Variants in SPAG16 observed in about 807,000 individuals in gnomAD.
SPAG16 encodes the protein sperm associated antigen 16.
A neutral mutation model predicts 80.4 loss-of-function variants in SPAG16; 86 were observed. That is an observed-to-expected ratio of 1.07 (90% CI 0.90 to 1.28). The LOEUF (loss-of-function observed/expected upper bound fraction) is 1.28, where lower values mean the gene tolerates loss of function less well. Among genes scored for constraint, SPAG16 ranks in the 50% most tolerant of loss-of-function variants. The pLI is 0.00. For missense variants in SPAG16, 870 were observed against 765.3 expected (o/e 1.14, Z -1.61); for synonymous variants, 294 against 265.9 (o/e 1.11, Z -1.03).
intron 13 of SPAG16, among the ~76,000 whole-genome samples, chr2:214,060,785 A>G (rs2050221670): frequency 6.6e-6 from 1 of 152,198 alleles, no homozygotes; most frequent in African/African-American, 2.4e-5. Context: ...TACAACACAA[A>G]TAAATCTCAA....
intron 10 of SPAG16, among the ~76,000 whole-genome samples, chr2:213,805,051 T>G (rs1240779869): frequency 1.3e-5 from 2 of 152,200 alleles, no homozygotes; most frequent in Non-Finnish European, 2.9e-5. Flanking sequence ...AATACCAATG[T>G]TACTGTTGAG....
intron 10 of SPAG16, among the ~76,000 whole-genome samples, chr2:213,737,822 T>C (rs1208942443): frequency 9.9e-5 from 15 of 152,162 alleles, no homozygotes; most frequent in Admixed American, 9.8e-4. Context: ...TACTTTCTTC[T>C]TAACATTAGT....
chr2:213,703,224 A>G (rs1038682292), intron 10 of SPAG16, among the ~76,000 whole-genome samples: 9 of 152,152 alleles, frequency 5.9e-5, no homozygotes, highest in African/African-American at 1.9e-4. Context: ...GGTCTCTGAT[A>G]TTTGGGAATC....
intron 10 of SPAG16, among the ~76,000 whole-genome samples, chr2:213,642,820 C>CAAAAAAAAAAA (rs766759239): frequency 3.5e-3 from 4 of 1,136 alleles, no homozygotes; most frequent in South Asian, 0.028. Flanking sequence ...GACTCTGTCT[C>CAAAAAAAAAAA]AAAAAAAAAA....
At chr2:213,394,650 A>T (rs921233998) in intron 9 of SPAG16, among the ~76,000 whole-genome samples, 6 of 151,996 alleles carry the variant, frequency 3.9e-5, no homozygotes, top group Admixed American at 3.3e-4. Flanking sequence ...CATTTCTGTA[A>T]TTTTTTTAAT....
intron 15 of SPAG16, among the ~76,000 whole-genome samples, chr2:214,392,892 G>A (rs1232943423): frequency 6.6e-6 from 1 of 152,090 alleles, no homozygotes; most frequent in Non-Finnish European, 1.5e-5. Flanking sequence ...TAACTGGGTA[G>A]AATTACATAA....
At chr2:213,387,267 T>A (rs537246346) in intron 9 of SPAG16, among the ~76,000 whole-genome samples, 1 of 151,564 alleles carries the variant, frequency 6.6e-6, no homozygotes, top group East Asian at 1.9e-4. Flanking sequence ...TTTTGACCTA[T>A]ATATTCAATG....
intron 15 of SPAG16, among the ~76,000 whole-genome samples, chr2:214,391,403 A>G (rs975220531): frequency 5.3e-5 from 8 of 152,236 alleles, no homozygotes; most frequent in African/African-American, 1.9e-4. Context: ...ATTTTAAACT[A>G]TATTCCTAAA....
intron 15 of SPAG16, among the ~76,000 whole-genome samples, chr2:214,316,109 G>A (rs1695675452): frequency 6.7e-6 from 1 of 149,680 alleles, no homozygotes; most frequent in Non-Finnish European, 1.5e-5. Context: ...GGGTCACTGT[G>A]GTGACCATGT....
At chr2:214,043,047 T>A (rs1436217986) in intron 13 of SPAG16, among the ~76,000 whole-genome samples, 2 of 151,962 alleles carry the variant, frequency 1.3e-5, no homozygotes, top group African/African-American at 4.8e-5. Flanking sequence ...TCAAAAAAAC[T>A]CATGCAAAGT....
chr2:213,591,278 A>G lies in SPAG16; in HGVS notation c.1070+101188A>G, dbSNP rs567302335. 9.8e-5 allele frequency among the ~76,000 whole-genome samples: 15 copies of G among 152,290 alleles called. No homozygotes were observed. The South Asian group carries it at 2.9e-3, about 29-fold the overall frequency. ...AAGATCACCTAATTCTGACCCTTAA[A>G]AAGCCCTGTTTTGAAAAATTTTAAT... On this transcript the variant is annotated intron_variant, in intron 10 of 15. Coordinates refer to ENST00000331683, the MANE Select transcript of SPAG16 (RefSeq NM_024532.5).
At chr2:213,680,407 C>T (rs1037549935) in intron 10 of SPAG16, among the ~76,000 whole-genome samples, 7 of 147,838 alleles carry the variant, frequency 4.7e-5, no homozygotes, top group African/African-American at 1.0e-4. Context: ...TCTTTACTTA[C>T]GAGGAACAAA....
chr2:213,711,821 G>C (rs59050563), intron 10 of SPAG16, among the ~76,000 whole-genome samples: 1 of 151,740 alleles, frequency 6.6e-6, no homozygotes. Flanking sequence ...CGCCCGACCC[G>C]TTCTTACAAT....
intron 10 of SPAG16, among the ~76,000 whole-genome samples, chr2:213,710,597 C>T (rs907265777): frequency 6.6e-6 from 1 of 152,114 alleles, no homozygotes; most frequent in Non-Finnish European, 1.5e-5. Context: ...TACAATTAGG[C>T]GTACATAAAT....
intron 9 of SPAG16, among the ~76,000 whole-genome samples, chr2:213,454,602 C>T (rs2071887906): frequency 6.6e-6 from 1 of 152,094 alleles, no homozygotes; most frequent in African/African-American, 2.4e-5. Flanking sequence ...TCAAAATTTT[C>T]CAAGAAGTAA....
chr2:213,439,211 T>C (rs2070801400), intron 9 of SPAG16, among the ~76,000 whole-genome samples: 1 of 152,244 alleles, frequency 6.6e-6, no homozygotes, highest in South Asian at 2.1e-4. Flanking sequence ...TGATAATTTG[T>C]TACTCAGTAA....
chr2:214,242,501 A>AT (rs1272567821), intron 15 of SPAG16, among the ~76,000 whole-genome samples: 1 of 152,056 alleles, frequency 6.6e-6, no homozygotes, highest in Non-Finnish European at 1.5e-5. Flanking sequence ...TTGAATTTGC[A>AT]TTTTTTTCCA....
chr2:213,307,933 A>T (rs1012707322), intron 3 of SPAG16, among the ~76,000 whole-genome samples: 2 of 152,170 alleles, frequency 1.3e-5, no homozygotes, highest in Non-Finnish European at 2.9e-5. Context: ...CTCTTTCCTC[A>T]TTGGATTTCC....
intron 9 of SPAG16, among the ~76,000 whole-genome samples, chr2:213,402,365 C>T (rs1045163824): frequency 1.3e-5 from 2 of 151,954 alleles, no homozygotes; most frequent in African/African-American, 4.8e-5. Flanking sequence ...CTCTCTTTTA[C>T]ATTGTTTATA....
Sources: allele counts gnomAD v4.1 joint callset (sites outside exome capture counted in the v4.1 genomes callset), GRCh38; gene constraint gnomAD v4.1.1; transcripts MANE v1.5; gene names NCBI Gene and HGNC (gene_info 2026-07-23, HGNC 2026-07-21).